The following UBE4A variants were observed in gnomAD, a reference collection of about 807,000 sequenced individuals.
UBE4A encodes the protein ubiquitination factor E4A, also known as ubiquitin conjugation factor E4 A.
Under a neutral mutation model 117.9 loss-of-function variants are expected in UBE4A, and 48 were observed. The observed-to-expected ratio is 0.41, with a 90% CI of 0.32 to 0.52. The LOEUF is 0.52. UBE4A is among the 20% of genes least tolerant of loss of function. The probability of loss-of-function intolerance (pLI) is 0.33; values close to 1 mark genes in which losing one functional copy is unlikely to be tolerated. For synonymous variants in UBE4A, 407 were observed against 450.0 expected (o/e 0.90, Z 1.21); for missense variants, 1,067 against 1,296.3 (o/e 0.82, Z 2.72).
chr11:118,393,357 C>G (rs1052195024), intron 19 of UBE4A, among the ~76,000 whole-genome samples: 1 of 152,156 alleles, frequency 6.6e-6, no homozygotes, highest in African/African-American at 2.4e-5. Context: ...GCAGAGGTTG[C>G]AATGAGCCGA....
intron 4 of UBE4A, 31 bp from the exon 5 acceptor site, chr11:118,371,483 G>C (rs1233229460): frequency 6.3e-7 from 1 of 1,586,060 alleles, no homozygotes; most frequent in Non-Finnish European, 8.6e-7. Flanking sequence ...TTTTGCAATA[G>C]TTTAGTATTT....
chr11:118,378,970 T>C (rs1004007522), intron 10 of UBE4A: 10 of 156,492 alleles, frequency 6.4e-5, no homozygotes, highest in Non-Finnish European at 1.3e-4. Flanking sequence ...CTAGTTTATA[T>C]GTGGTCATTA....
rs1948759329 is a variant in UBE4A at position 118,386,444 on chromosome 11, A to C, written c.2419A>C (p.Ser807Arg). 1 of 1,605,094 alleles carries C rather than the reference A, an allele frequency of 6.2e-7. No individual in the cohort carries two copies. Among genetic ancestry groups the C allele is most frequent in the South Asian group, 1.1e-5 (1 of 89,534 alleles). The change falls in exon 16 of 20, where the codon AGC becomes CGC. Residue 807 changes from serine to arginine, a missense_variant. Around this residue, in one of 3 missense-constraint regions of UBE4A, gnomAD observed 1,001 missense variants for 1,184.0 expected, o/e 0.85. Transcript: ENST00000252108. Reference protein sequence around the residue: ...FLLDEAIQYLSKIKIQQIEKD... With the variant: ...FLLDEAIQYLRKIKIQQIEKD... Reference sequence around the variant, plus strand: ...CCATCTCTGGTTTCTGCAGTATTTGAGCAAGATAAAGATTCAGCAAATTGA... The same window carrying C: ...CCATCTCTGGTTTCTGCAGTATTTGCGCAAGATAAAGATTCAGCAAATTGA...
chr11:118,398,518 A>G lies in UBE4A; in HGVS notation c.*2078A>G, dbSNP rs567215635. The G allele has an allele frequency of 1.3e-5, 2 of 152,780 alleles. No homozygotes were observed. The highest frequency in any genetic ancestry group is 4.1e-4 in the South Asian group (2 of 4,828). 9.5% of individuals were successfully genotyped at this position (152,780 alleles called of 1,614,324 possible). A position where few individuals can be genotyped will look rare whatever the true frequency, so the allele number is the denominator to read the frequency against. ...TCTTTCTGTGAAGTAATTTAAGAAT[A>G]TCCAAAAAAATTAGACTTTAAAAAG... On this transcript the variant is annotated 3_prime_UTR_variant, in exon 20 of 20. Transcript: ENST00000252108.
In UBE4A at chr11:118,384,833, A is replaced by T. The variant is rs781903281; in HGVS notation, c.2300A>T (p.Asp767Val). 6.2e-7 allele frequency: 1 copy of T among 1,613,180 alleles called. No individual in the cohort carries two copies. Among genetic ancestry groups the T allele is most frequent in the Non-Finnish European group, 8.5e-7 (1 of 1,179,776 alleles). Residue 767 changes from aspartate to valine, a missense_variant and splice_region_variant, in exon 15 of 20, where the codon GAT becomes GTT. By Grantham distance (152) the Asp-to-Val change is radical. Coordinates refer to ENST00000252108, the MANE Select transcript of UBE4A (RefSeq NM_001204077.2). ...GTDTYRESIK[D>V]LADYASKNLE... is the part of the protein sequence containing the mutation. ...TTTCTTGTGGGCTGGGACTTACAGG[A>T]TTTGGCTGACTATGCCTCTAAGAAT...
At chr11:118,365,290 G>T in intron 2 of UBE4A, 89 bp downstream of exon 2, 1 of 1,420,398 alleles carries the variant, frequency 7.0e-7, no homozygotes, top group Non-Finnish European at 9.2e-7. Flanking sequence ...AATTGCAATT[G>T]GAATTTAAGT....
intron 5 of UBE4A, among the ~76,000 whole-genome samples, chr11:118,372,208 T>C (rs752856427): frequency 5.9e-5 from 9 of 152,118 alleles, no homozygotes; most frequent in Non-Finnish European, 8.8e-5. Flanking sequence ...TGAGCTGAGA[T>C]CACACCACTG....
At chr11:118,380,134 CGTGTGTGTGT>C (rs55892936) in intron 11 of UBE4A, among the ~76,000 whole-genome samples, 5,672 of 136,998 alleles carry the variant, frequency 0.041, 126 homozygotes, top group African/African-American at 0.047. Context: ...TGTGTGTGTG[CGTGTGTGTGT>C]GTGTGTGTGT....
intron 4 of UBE4A, among the ~76,000 whole-genome samples, chr11:118,370,963 A>G (rs2084171241): frequency 6.6e-6 from 1 of 152,178 alleles, no homozygotes. Context: ...CCATACCCAG[A>G]CACCTCCCAC....
chr11:118,376,438 AT>A lies in UBE4A; in HGVS notation c.1451-134del. The A allele has an allele frequency of 2.4e-6, 3 of 1,275,624 alleles. No homozygotes were observed. The South Asian group carries it at 5.3e-5, about 22-fold the overall frequency. The allele number at this position is 1,275,624 out of a possible 1,614,324, so 79.0% of individuals were successfully genotyped here. A position where few individuals can be genotyped will look rare whatever the true frequency, so the allele number is the denominator to read the frequency against. ...TAGACGGTGAGAAACCAAAAGATATATTCAGACAAAGAACTAATATGACAAG... is the reference window on the plus strand; with the variant it reads ...TAGACGGTGAGAAACCAAAAGATATATCAGACAAAGAACTAATATGACAAG... On this transcript the variant is annotated intron_variant, in intron 9 of 19. Transcript: ENST00000252108.
intron 2 of UBE4A, among the ~76,000 whole-genome samples, chr11:118,366,229 C>G (rs1194089414): frequency 1.3e-5 from 2 of 151,824 alleles, no homozygotes; most frequent in African/African-American, 4.8e-5. Context: ...GAAATCTCTC[C>G]CAGATTTCTA....
In UBE4A at chr11:118,369,430, C is replaced by A; in HGVS notation, c.303C>A (p.Pro101=). The part of the protein sequence containing the change: ...IFLITLDNSD[P]SLKSGNGIPS... ...ATTAAAACCATTTCCCAGGTGATCC[C>A]AGCTTGAAAAGCGGGAATGGCATCC... Residue 101 remains proline, a synonymous_variant, in exon 4 of 20, where the codon CCC becomes CCA. Coordinates refer to ENST00000252108, the MANE Select transcript of UBE4A (RefSeq NM_001204077.2). 1.2e-6 allele frequency: 2 copies of A among 1,613,844 alleles called. No individual in the cohort carries two copies. Among genetic ancestry groups the A allele is most frequent in the Non-Finnish European group, 1.7e-6 (2 of 1,179,768 alleles).
At chr11:118,386,685 A>C in intron 16 of UBE4A, 73 bp downstream of exon 16, 3 of 1,435,410 alleles carry the variant, frequency 2.1e-6, no homozygotes, top group Non-Finnish European at 2.8e-6. Context: ...GGATCAGCCC[A>C]GCTGAAACTA....
In UBE4A at chr11:118,396,301, C is replaced by T. The variant is rs782209972; in HGVS notation, c.3075-13C>T. 1 of 1,608,310 alleles carries T rather than the reference C, an allele frequency of 6.2e-7. No homozygotes were observed. The highest frequency in any genetic ancestry group is 8.5e-7 in the Non-Finnish European group (1 of 1,178,048). Reference sequence around the variant, plus strand: ...TGGAAATAACCCTATTTCCCTTTCTCTCTTTGTCCCAGTGACCAAACAGAT... The same window carrying T: ...TGGAAATAACCCTATTTCCCTTTCTTTCTTTGTCCCAGTGACCAAACAGAT... On this transcript the variant is annotated splice_polypyrimidine_tract_variant and intron_variant, in intron 19 of 19. Coordinates refer to ENST00000252108, the MANE Select transcript of UBE4A (RefSeq NM_001204077.2).
At position 118,365,125 on chromosome 11, in the gene UBE4A, TG is replaced by T. The variant is rs1948552297; in HGVS notation, c.46del (p.Ala16LeufsTer21). 1 of 1,614,000 alleles carries T rather than the reference TG, an allele frequency of 6.2e-7. No individual in the cohort carries two copies. Among genetic ancestry groups the T allele is most frequent in the South Asian group, 1.1e-5 (1 of 91,066 alleles). ...NNNNISSNPF[A>X]ALFGSLADAK... Reference sequence around the variant, plus strand: ...ACAACAACATCTCAAGTAACCCCTTTGCTGCTCTTTTTGGCTCCCTGGCTGA... The same window carrying T: ...ACAACAACATCTCAAGTAACCCCTTTCTGCTCTTTTTGGCTCCCTGGCTGA... On this transcript the variant is annotated frameshift_variant, in exon 2 of 20. Transcript: ENST00000252108. LOFTEE classifies it high-confidence loss of function.
intron 16 of UBE4A, among the ~76,000 whole-genome samples, chr11:118,389,381 CAGA>C (rs1555127807): frequency 3.9e-5 from 6 of 152,100 alleles, no homozygotes; most frequent in Non-Finnish European, 7.4e-5. Context: ...CAGTAAGTTT[CAGA>C]ATATGTAAAA....
Position 118,368,697 on chromosome 11 carries a change from A to T in UBE4A, c.188A>T (p.Tyr63Phe). The T allele has an allele frequency of 6.2e-7, 1 of 1,614,204 alleles. No homozygotes were observed. The highest frequency in any genetic ancestry group is 8.5e-7 in the Non-Finnish European group (1 of 1,180,044). ...TCAGAGAGCCTGGATGAATTCGATTACTCTGTGGCTGAGATTAGCCGCTCA... is the reference window on the plus strand; with the variant it reads ...TCAGAGAGCCTGGATGAATTCGATTTCTCTGTGGCTGAGATTAGCCGCTCA... ...SVSESLDEFD[Y>F]SVAEISRSFR... The change falls in exon 3 of 20, where the codon TAC (tyrosine) becomes TTC (phenylalanine). Residue 63 changes from tyrosine (Y) to phenylalanine (F), a missense_variant. Physicochemically the swap from Tyr to Phe is conservative, Grantham distance 22. Around this residue, in one of 3 missense-constraint regions of UBE4A, gnomAD observed 1,001 missense variants for 1,184.0 expected, o/e 0.85. Coordinates refer to ENST00000252108, the MANE Select transcript of UBE4A (RefSeq NM_001204077.2).
intron 12 of UBE4A, among the ~76,000 whole-genome samples, chr11:118,382,130 C>G (rs1948710293): frequency 6.6e-6 from 1 of 152,190 alleles, no homozygotes; most frequent in African/African-American, 2.4e-5. Context: ...CATTTCTTCA[C>G]TGAGCTGAGC....
At chr11:118,386,070 A>G (rs986751412) in intron 15 of UBE4A, among the ~76,000 whole-genome samples, 1 of 152,110 alleles carries the variant, frequency 6.6e-6, no homozygotes, top group Non-Finnish European at 1.5e-5. Context: ...ATTTGTTTTC[A>G]TCTTTCAGGA....
Sources: allele counts gnomAD v4.1 joint callset (sites outside exome capture counted in the v4.1 genomes callset), GRCh38; gene constraint gnomAD v4.1.1; regional missense constraint gnomAD v4.1.1; transcripts MANE v1.5; gene names NCBI Gene and HGNC (gene_info 2026-07-23, HGNC 2026-07-21).